Variants in IGF2R observed in about 807,000 individuals in gnomAD.
IGF2R encodes the protein insulin like growth factor 2 receptor, also known as cation-independent mannose-6-phosphate receptor.
A neutral mutation model predicts 270.6 loss-of-function variants in IGF2R; 91 were observed. The observed-to-expected ratio is 0.34, with a 90% CI of 0.28 to 0.40. The LOEUF (loss-of-function observed/expected upper bound fraction) is 0.40, where lower values mean the gene tolerates loss of function less well. Among genes scored for constraint, IGF2R ranks in the 10% least tolerant of loss-of-function variants. The pLI, the probability that IGF2R is intolerant of heterozygous loss-of-function variation, is 1.00. For synonymous variants in IGF2R, 1,316 were observed against 1,258.9 expected, an observed-to-expected ratio of 1.05 and a Z score of -0.96; for missense variants, 2,805 against 3,188.3, an observed-to-expected ratio of 0.88 and a Z score of 2.90.
intron 1 of IGF2R, among the ~76,000 whole-genome samples, chr6:159,976,845 C>T (rs1783702670): frequency 6.6e-6 from 1 of 152,194 alleles, no homozygotes; most frequent in Non-Finnish European, 1.5e-5. Flanking sequence ...TGTGGCCTAA[C>T]ACCTAGTCAA....
chr6:160,008,049 C>T (rs541840373), intron 2 of IGF2R, among the ~76,000 whole-genome samples: 60 of 152,152 alleles, frequency 3.9e-4, no homozygotes, highest in Non-Finnish European at 7.9e-4. Flanking sequence ...CACTAATACT[C>T]ATGATACTTA....
At position 160,050,601 on chromosome 6, in the gene IGF2R, A is replaced by G; in HGVS notation, c.2643A>G (p.Arg881=). The change falls in exon 19 of 48, where the codon AGA becomes AGG. Residue 881 remains arginine, a synonymous_variant. Coordinates refer to ENST00000356956, the MANE Select transcript of IGF2R (RefSeq NM_000876.4). This position sits in a 1 kb window ranked among gnomAD's most constrained non-coding sequence, Gnocchi z 4.0. ...NGSACTTSDG[R]QTTYTTRIHL... is the part of the protein sequence containing the mutation. ...CGGCCTGCACCACCAGCGATGGCAG[A>G]CAGACCACATATACCACGAGGATCC... The G allele has an allele frequency of 6.2e-7, 1 of 1,614,050 alleles. No homozygotes were observed. Among genetic ancestry groups the G allele is most frequent in the Non-Finnish European group, 8.5e-7 (1 of 1,179,910 alleles).
intron 2 of IGF2R, among the ~76,000 whole-genome samples, chr6:160,000,897 A>G (rs532162962): frequency 3.3e-5 from 5 of 151,460 alleles, no homozygotes; most frequent in Admixed American, 2.6e-4. Flanking sequence ...ATGTCCGGCT[A>G]ATTTTTTTTT....
At chr6:160,049,241 A>G (rs1778139877) in intron 18 of IGF2R, among the ~76,000 whole-genome samples, 2 of 152,186 alleles carry the variant, frequency 1.3e-5, no homozygotes, top group Non-Finnish European at 2.9e-5. Flanking sequence ...TGGAGCAATG[A>G]GTTCAGTGTA....
chr6:160,031,564 A>G (rs1777697789), intron 7 of IGF2R, among the ~76,000 whole-genome samples: 1 of 151,912 alleles, frequency 6.6e-6, no homozygotes, highest in African/African-American at 2.4e-5. Context: ...TGTCAGGAGA[A>G]TCCTACACTG....
At chr6:160,080,709 C>A (rs1490214601) in intron 39 of IGF2R, among the ~76,000 whole-genome samples, 2 of 151,998 alleles carry the variant, frequency 1.3e-5, no homozygotes, top group Admixed American at 1.3e-4. Flanking sequence ...ATGGAGGTTT[C>A]TTGGTGAGCC....
rs374650057 is a variant in IGF2R at position 160,048,444 on chromosome 6, G to A, written c.2415G>A (p.Thr805=). ...YAMDNSGEHV[T]WRKYYINVCR... is the part of the protein sequence containing the mutation. Reference sequence around the variant, plus strand: ...TGGACAACTCAGGGGAACATGTCACGTGGAGGAAATACTACATTAACGTGT... The same window carrying A: ...TGGACAACTCAGGGGAACATGTCACATGGAGGAAATACTACATTAACGTGT... The change falls in exon 18 of 48, where the codon ACG becomes ACA. Residue 805 remains threonine (T), a synonymous_variant. Coordinates refer to ENST00000356956, the MANE Select transcript of IGF2R (RefSeq NM_000876.4). 7.4e-6 allele frequency: 12 copies of A among 1,614,106 alleles called. No individual in the cohort carries two copies. The highest frequency in any genetic ancestry group is 2.2e-5 in the East Asian group (1 of 44,908).
At chr6:160,059,530 C>T (rs1778387587) in intron 22 of IGF2R, among the ~76,000 whole-genome samples, 2 of 152,174 alleles carry the variant, frequency 1.3e-5, no homozygotes, top group Non-Finnish European at 2.9e-5. Flanking sequence ...GGTCTCGGAA[C>T]ATATCCCCCC....
intron 19 of IGF2R, among the ~76,000 whole-genome samples, chr6:160,052,200 T>C (rs1778215286): frequency 6.6e-6 from 1 of 152,092 alleles, no homozygotes; most frequent in Non-Finnish European, 1.5e-5. Context: ...CAAGATCCTG[T>C]TTCAAAATAG....
chr6:160,056,625 C>A, intron 20 of IGF2R, 100 bp downstream of exon 20: 1 of 796,626 alleles, frequency 1.3e-6, no homozygotes, highest in East Asian at 2.5e-5. Flanking sequence ...CCCCTTCTTT[C>A]TGAATCAGTT....
chr6:159,979,745 AGT>A (rs1783750444), intron 1 of IGF2R, among the ~76,000 whole-genome samples: 1 of 151,864 alleles, frequency 6.6e-6, no homozygotes, highest in African/African-American at 2.4e-5. Context: ...CTAAGGGCCC[AGT>A]GTGTCTGGGT....
rs2230048 is a variant in IGF2R at position 160,068,316 on chromosome 6, A to T, written c.4183A>T (p.Thr1395Ser). The change falls in exon 30 of 48, where the codon ACT (threonine) becomes TCT (serine). Residue 1395 changes from threonine (T) to serine (S), a missense_variant. Physicochemically the swap from Thr to Ser is moderately conservative, Grantham distance 58. Transcript: ENST00000356956. The stretch of plus-strand genomic sequence containing the variant: ...GTACAGTGACAACTGGGAAGCCATC[A>T]CTGGGACGGGGGACCCGGAGCACTA... ...SRYSDNWEAITGTGDPEHYLI... is the reference protein window; with the variant it reads ...SRYSDNWEAISGTGDPEHYLI... 1.8e-3 allele frequency: 2,935 copies of T among 1,614,258 alleles called. 8 individuals are homozygous for T. The highest frequency in any genetic ancestry group is 2.2e-3 in the Non-Finnish European group (2,652 of 1,180,040).
chr6:160,050,384 G>A lies in IGF2R; in HGVS notation c.2515-89G>A. ...TTCTGTATTCAATAATTCATTGTTT[G>A]CTGCAGCTTTATAGAATGTAACCAC... On this transcript the variant is annotated intron_variant, in intron 18 of 47. Transcript: ENST00000356956. The surrounding 1 kb of genome is among the most constrained non-coding windows in gnomAD (Gnocchi z 4.0). The A allele has an allele frequency of 7.9e-7, 1 of 1,272,228 alleles. No homozygotes were observed. The highest frequency in any genetic ancestry group is 2.1e-5 in the Admixed American group (1 of 47,152). 78.8% of individuals were successfully genotyped at this position (1,272,228 alleles called of 1,614,324 possible).
Position 159,997,201 on chromosome 6 carries a change from C to G in IGF2R, c.289+5878C>G, listed in dbSNP as rs542797020. 2.1e-3 allele frequency among the ~76,000 whole-genome samples: 320 copies of G among 152,290 alleles called. 4 individuals carry two copies. Among genetic ancestry groups the G allele is most frequent in the African/African-American group, 7.2e-3 (300 of 41,570 alleles). On this transcript the variant is annotated intron_variant, in intron 2 of 47. Coordinates refer to ENST00000356956, the MANE Select transcript of IGF2R (RefSeq NM_000876.4). ...TGCTCCTTTGTCCCAAGGAGTGCCC[C>G]CTTGGCATGCTGTACTCTTTCTTCC...
In IGF2R at chr6:160,102,337, C is replaced by T. The variant is rs185653030; in HGVS notation, c.6843-182C>T. On this transcript the variant is annotated intron_variant, in intron 45 of 47. Coordinates refer to ENST00000356956, the MANE Select transcript of IGF2R (RefSeq NM_000876.4). The surrounding 1 kb of genome is among the most constrained non-coding windows in gnomAD (Gnocchi z 4.5). ...CCTGCCACAAACTCATCATCAGGAA[C>T]TTTTTGCAGCCCTCTTCCATGTGGA... is the stretch of plus-strand genomic sequence containing the variant. Among the ~76,000 whole-genome samples the T allele has an allele frequency of 6.6e-6, 1 of 152,220 alleles. No homozygotes were observed. Among genetic ancestry groups the T allele is most frequent in the African/African-American group, 2.4e-5 (1 of 41,462 alleles).
In IGF2R at chr6:160,071,862, T is replaced by A. The variant is rs766954508; in HGVS notation, c.4444-48T>A. ...TTGTAAGTTGAAATCATGATAGACA[T>A]GGAGTTTTTGCGTGATCCCTTCAGG... is the stretch of plus-strand genomic sequence containing the variant. On this transcript the variant is annotated intron_variant, in intron 31 of 47. Transcript: ENST00000356956. The A allele has an allele frequency of 5.0e-6, 8 of 1,601,716 alleles. No individual in the cohort carries two copies. The East Asian group carries it at 1.6e-4, about 31-fold the overall frequency.
intron 13 of IGF2R, among the ~76,000 whole-genome samples, chr6:160,045,296 T>C (rs1182365362): frequency 6.6e-6 from 1 of 152,226 alleles, no homozygotes; most frequent in Non-Finnish European, 1.5e-5. Flanking sequence ...CCCATTGAAA[T>C]ATTTCCTTTG....
At chr6:160,031,454 C>T (rs1777694725) in intron 7 of IGF2R, among the ~76,000 whole-genome samples, 2 of 151,844 alleles carry the variant, frequency 1.3e-5, no homozygotes, top group African/African-American at 4.8e-5. Flanking sequence ...CAAAAAGAAA[C>T]CTCCTGCCCA....
intron 2 of IGF2R, among the ~76,000 whole-genome samples, chr6:159,997,042 G>A (rs1019616373): frequency 6.6e-5 from 10 of 152,192 alleles, no homozygotes; most frequent in African/African-American, 2.2e-4. Flanking sequence ...ACCCACATCC[G>A]TGCCCAAGCA....
Sources: gnomAD v4.1 joint callset for allele counts (sites outside exome capture counted in the v4.1 genomes callset) on GRCh38, gnomAD v4.1.1 for gene constraint, Gnocchi (gnomAD v3.1) non-coding constraint, MANE v1.5 for transcripts, NCBI Gene and HGNC (gene_info 2026-07-23, HGNC 2026-07-21) for gene names.